MAPK10: variants seen among roughly 807,000 people sequenced by gnomAD.
MAPK10 encodes mitogen-activated protein kinase 10, also known as JNK3 alpha protein kinase.
MAPK10 carries 25 observed loss-of-function variants against 59.3 expected under a neutral mutation model. That is an observed-to-expected ratio of 0.42 (90% CI 0.31 to 0.59). The LOEUF (loss-of-function observed/expected upper bound fraction) is 0.59. MAPK10 is among the 20% of genes least tolerant of loss of function. The pLI is 0.15. For synonymous variants in MAPK10, 190 were observed against 200.5 expected (o/e 0.95, Z 0.44); for missense variants, 351 against 568.9 (o/e 0.62, Z 3.90).
intron 3 of MAPK10, among the ~76,000 whole-genome samples, chr4:86,167,457 C>A (rs2072177217): frequency 6.6e-6 from 1 of 152,160 alleles, no homozygotes; most frequent in African/African-American, 2.4e-5. Context: ...AACATCGATT[C>A]AAAGATACTC....
chr4:86,067,289 GT>G (rs2148993595), intron 10 of MAPK10, among the ~76,000 whole-genome samples: 1 of 152,176 alleles, frequency 6.6e-6, no homozygotes, highest in African/African-American at 2.4e-5. Context: ...CTAGAGGTGT[GT>G]GCCACCATGC....
At chr4:86,475,459 T>G (rs1753004985) in intron 1 of MAPK10, among the ~76,000 whole-genome samples, 4 of 152,142 alleles carry the variant, frequency 2.6e-5, no homozygotes, top group Admixed American at 2.6e-4. Context: ...GCGCCACACT[T>G]CAATCTCTCC....
intron 2 of MAPK10, among the ~76,000 whole-genome samples, chr4:86,345,923 C>G (rs1280553651): frequency 6.6e-6 from 1 of 152,188 alleles, no homozygotes; most frequent in Non-Finnish European, 1.5e-5. Flanking sequence ...GGTTAGCAAG[C>G]CAATCAATTT....
intron 2 of MAPK10, among the ~76,000 whole-genome samples, chr4:86,259,099 G>T (rs2093879605): frequency 6.6e-6 from 1 of 152,078 alleles, no homozygotes; most frequent in African/African-American, 2.4e-5. Flanking sequence ...TGACTCTTGA[G>T]TTTTTCTTTC....
intron 2 of MAPK10, among the ~76,000 whole-genome samples, chr4:86,308,002 T>C (rs2095601010): frequency 6.6e-6 from 1 of 152,064 alleles, no homozygotes; most frequent in South Asian, 2.1e-4. Context: ...GACAAAACTA[T>C]AAAGTGAACC....
intron 2 of MAPK10, among the ~76,000 whole-genome samples, chr4:86,298,991 A>C (rs961188945): frequency 6.6e-6 from 1 of 152,160 alleles, no homozygotes; most frequent in Admixed American, 6.5e-5. Context: ...GTAACCTCTA[A>C]ATTTCTTTTT....
At chr4:86,575,244 C>T (rs1391882828) in intron 1 of MAPK10, among the ~76,000 whole-genome samples, 1 of 152,206 alleles carries the variant, frequency 6.6e-6, no homozygotes, top group African/African-American at 2.4e-5. Context: ...CACTTTCCTT[C>T]ATGGGTCTCC....
intron 2 of MAPK10, among the ~76,000 whole-genome samples, chr4:86,289,220 T>C (rs138360656): frequency 6.6e-6 from 1 of 152,248 alleles, no homozygotes; most frequent in Non-Finnish European, 1.5e-5. Flanking sequence ...CGGATGAGTG[T>C]GCAAAGTGCC....
At chr4:86,062,307 G>T (rs1269069531) in intron 11 of MAPK10, among the ~76,000 whole-genome samples, 3 of 152,160 alleles carry the variant, frequency 2.0e-5, no homozygotes, top group Non-Finnish European at 2.9e-5. Flanking sequence ...ATCCTGCCTT[G>T]TTACTATCCG....
At chr4:86,435,664 C>T (rs78534883) in intron 1 of MAPK10, among the ~76,000 whole-genome samples, 1 of 152,154 alleles carries the variant, frequency 6.6e-6, no homozygotes, top group East Asian at 1.9e-4. Flanking sequence ...CTCCTGTCAA[C>T]CAGCAAAGGC....
At position 86,054,702 on chromosome 4, in the gene MAPK10, G is replaced by A. The variant is rs150852901; in HGVS notation, c.1110+9564C>T. ...TCATTTCTAAATTTATATATATTCT[G>A]AGTCTAACAAACCTACTTAGAGTTC... On this transcript the variant is annotated intron_variant, in intron 11 of 13. Coordinates refer to ENST00000641462, the MANE Select transcript of MAPK10 (RefSeq NM_138982.4). Among the ~76,000 whole-genome samples, 3 of 152,200 alleles carry A rather than the reference G, an allele frequency of 2.0e-5. No individual in the cohort carries two copies. In the East Asian group the frequency reaches 5.8e-4, roughly 29 times the overall value.
chr4:86,159,292 G>A lies in MAPK10; in HGVS notation c.236+6C>T, dbSNP rs200306169. On this transcript the variant is annotated splice_donor_region_variant and intron_variant, in intron 4 of 13. Transcript: ENST00000641462. ...TTTAAAAATACAGCAAATCCATTCC[G>A]CTTACCAAACTATGCCCTGAGCCCC... 104 of 1,589,404 alleles carry A rather than the reference G, an allele frequency of 6.5e-5. No homozygotes were observed. Among genetic ancestry groups the A allele is most frequent in the East Asian group, 4.3e-4 (19 of 43,938 alleles).
At chr4:86,270,361 G>GA (rs1220662664) in intron 2 of MAPK10, among the ~76,000 whole-genome samples, 4 of 150,046 alleles carry the variant, frequency 2.7e-5, no homozygotes, top group East Asian at 3.9e-4. Context: ...AGCAATGAAT[G>GA]AAAAAAAATG....
chr4:86,023,054 T>C (rs76745429), intron 13 of MAPK10, among the ~76,000 whole-genome samples: 1,998 of 152,338 alleles, frequency 0.013, 38 homozygotes, highest in African/African-American at 0.045. Flanking sequence ...TGTTTTTGCC[T>C]AAGAGTTTTA....
At chr4:86,168,438 C>G (rs1056565264) in intron 3 of MAPK10, among the ~76,000 whole-genome samples, 4 of 152,228 alleles carry the variant, frequency 2.6e-5, no homozygotes, top group Non-Finnish European at 5.9e-5. Context: ...GGGTCCTACA[C>G]GCACGGAGTC....
chr4:86,064,305 G>A lies in MAPK10; in HGVS notation c.1071C>T (p.Pro357=), dbSNP rs1471986349. ...RISVDDALQH[P]YINVWYDPAE... ...CTGGGTCATACCAGACGTTGATGTAGGGATGCTGTAAGGCGTCGTCCACTG... is the reference window on the plus strand; with the variant it reads ...CTGGGTCATACCAGACGTTGATGTAAGGATGCTGTAAGGCGTCGTCCACTG... Residue 357 remains proline (P), a synonymous_variant, in exon 11 of 14, where the codon CCC becomes CCT. Coordinates refer to ENST00000641462, the MANE Select transcript of MAPK10 (RefSeq NM_138982.4). 8 of 1,614,152 alleles carry A rather than the reference G, an allele frequency of 5.0e-6. No individual in the cohort carries two copies. Among genetic ancestry groups the A allele is most frequent in the Middle Eastern group, 3.3e-4 (2 of 6,062 alleles).
chr4:86,295,298 G>A (rs569553214), intron 2 of MAPK10, among the ~76,000 whole-genome samples: 1 of 151,936 alleles, frequency 6.6e-6, no homozygotes, highest in African/African-American at 2.4e-5. Context: ...CCTCCTCAGG[G>A]GTATACTCAA....
In MAPK10 at chr4:86,419,371, A is replaced by C. The variant is rs144214495; in HGVS notation, c.-122+33659T>G. Among the ~76,000 whole-genome samples the C allele has an allele frequency of 3.9e-3, 600 of 152,274 alleles. 3 individuals are homozygous for C. Among genetic ancestry groups the C allele is most frequent in the African/African-American group, 0.014 (570 of 41,554 alleles). On this transcript the variant is annotated intron_variant, in intron 1 of 13. Transcript: ENST00000361569. Reference sequence around the variant, plus strand: ...ATATATAAAATATTACCTTGCATACATATCTAACAATTTATCTCTATGGCA... The same window carrying C: ...ATATATAAAATATTACCTTGCATACCTATCTAACAATTTATCTCTATGGCA...
Position 86,428,573 on chromosome 4 carries a change from TAGATAGAC to T in MAPK10, c.-122+24449_-122+24456del, listed in dbSNP as rs1231202613. Among the ~76,000 whole-genome samples, 940 of 152,284 alleles carry T rather than the reference TAGATAGAC, an allele frequency of 6.2e-3. 8 individuals carry two copies. Among genetic ancestry groups the T allele is most frequent in the African/African-American group, 0.02 (840 of 41,554 alleles). ...AAACTAAGATGGATAGATAGATAGA[TAGATAGAC>T]AGATAGACAGATAGATAGACAACTT... is the stretch of plus-strand genomic sequence containing the variant. On this transcript the variant is annotated intron_variant, in intron 1 of 13. Coordinates refer to the MAPK10 transcript ENST00000361569.
Sources: allele counts gnomAD v4.1 joint callset (sites outside exome capture counted in the v4.1 genomes callset), GRCh38; gene constraint gnomAD v4.1.1; transcripts MANE v1.5; gene names NCBI Gene and HGNC (gene_info 2026-07-23, HGNC 2026-07-21).